CEP170: variants seen among roughly 807,000 people sequenced by gnomAD.
The protein encoded by CEP170 is centrosomal protein 170.
CEP170 carries 21 observed loss-of-function variants against 151.9 expected under a neutral mutation model. The observed-to-expected ratio is 0.14, with a 90% CI of 0.10 to 0.20. The LOEUF is 0.20. Among genes scored for constraint, CEP170 ranks in the 10% least tolerant of loss-of-function variants. CEP170 has a pLI of 1.00. For synonymous variants in CEP170, 356 were observed against 648.8 expected (o/e 0.55, Z 6.86); for missense variants, 964 against 1,892.9 (o/e 0.51, Z 9.11).
intron 7 of CEP170, among the ~76,000 whole-genome samples, chr1:243,196,693 A>G (rs186789282): frequency 6.6e-6 from 1 of 152,200 alleles, no homozygotes; most frequent in African/African-American, 2.4e-5. Context: ...TAATTGGTAA[A>G]TCTTTCCCCC....
intron 14 of CEP170, among the ~76,000 whole-genome samples, chr1:243,149,692 T>C (rs1215218800): frequency 6.6e-6 from 1 of 152,212 alleles, no homozygotes. Context: ...TCACCTCCAA[T>C]TACAACCCAA....
rs1403870707 is a variant in CEP170, at chr1:243,126,461, T to C, written c.4743A>G (p.Thr1581=). 3.1e-6 allele frequency: 5 copies of C among 1,608,154 alleles called. No homozygotes were observed. The highest frequency in any genetic ancestry group is 1.7e-5 in the Admixed American group (1 of 59,264). ...FNPDGEEEDV[T]VQE ...AATCAAGAGAAAGTCATTCTTGTAC[T>C]GTAACATCTTCCTCTTCCCCATCGG... The change falls in exon 20 of 20, where the codon ACA becomes ACG. Residue 1581 remains threonine, a synonymous_variant. Coordinates refer to ENST00000366542, the MANE Select transcript of CEP170 (RefSeq NM_014812.3).
In CEP170 at chr1:243,126,870, T is replaced by C. The variant is rs1235328442; in HGVS notation, c.4466-132A>G. Reference sequence around the variant, plus strand: ...ATGTGGCTAATCTTCCAATATTATATTTAAAACTCCATTCTTAGTTATTCT... The same window carrying C: ...ATGTGGCTAATCTTCCAATATTATACTTAAAACTCCATTCTTAGTTATTCT... On this transcript the variant is annotated intron_variant, in intron 19 of 19. Coordinates refer to ENST00000366542, the MANE Select transcript of CEP170 (RefSeq NM_014812.3). 5.7e-6 allele frequency: 4 copies of C among 707,920 alleles called. No homozygotes were observed. In the East Asian group the frequency reaches 1.1e-4, roughly 19 times the overall value. 43.9% of individuals were successfully genotyped at this position (707,920 alleles called of 1,614,324 possible).
At chr1:243,225,098 T>TCA (rs2063122276) in intron 2 of CEP170, 78 bp downstream of exon 2, 1 of 753,780 alleles carries the variant, frequency 1.3e-6, no homozygotes, top group Non-Finnish European at 2.0e-6. Context: ...TAGCACTGTT[T>TCA]TCTAAAGGAG....
chr1:243,180,286 T>C (rs564628574), intron 10 of CEP170, among the ~76,000 whole-genome samples: 1 of 152,200 alleles, frequency 6.6e-6, no homozygotes, highest in East Asian at 1.9e-4. Context: ...AAACCTATTA[T>C]GTTAGGCGTC....
At chr1:243,223,585 C>T (rs956820934) in intron 2 of CEP170, among the ~76,000 whole-genome samples, 15 of 152,136 alleles carry the variant, frequency 9.9e-5, no homozygotes, top group Admixed American at 3.3e-4. Flanking sequence ...ACTGACGGTA[C>T]ATAAACACCT....
chr1:243,249,747 T>A (rs1271263024), intron 1 of CEP170, among the ~76,000 whole-genome samples: 1 of 152,174 alleles, frequency 6.6e-6, no homozygotes, highest in East Asian at 1.9e-4. Flanking sequence ...TTCATCTAAT[T>A]CCTTTACTGC....
At chr1:243,145,183 ATAT>A (rs1413875197) in intron 14 of CEP170, among the ~76,000 whole-genome samples, 1 of 152,264 alleles carries the variant, frequency 6.6e-6, no homozygotes, top group African/African-American at 2.4e-5. Flanking sequence ...GCAAGATTAT[ATAT>A]TATTACAACT....
At chr1:243,196,658 A>T (rs1270365401) in intron 7 of CEP170, among the ~76,000 whole-genome samples, 1 of 152,106 alleles carries the variant, frequency 6.6e-6, no homozygotes, top group Non-Finnish European at 1.5e-5. Context: ...TGATAATTAT[A>T]TTCAGCTATG....
intron 13 of CEP170, among the ~76,000 whole-genome samples, chr1:243,159,763 T>TGTG (rs2057892319): frequency 7.9e-6 from 1 of 127,074 alleles, no homozygotes; most frequent in African/African-American, 3.0e-5. Flanking sequence ...GTTTCCGGTT[T>TGTG]TGTGTGTGTG....
intron 14 of CEP170, among the ~76,000 whole-genome samples, chr1:243,146,988 C>CCTAACCAGTAA (rs1293577495): frequency 2.6e-5 from 4 of 151,340 alleles, no homozygotes; most frequent in South Asian, 2.1e-4. Flanking sequence ...GTGAATCCCC[C>CCTAACCAGTAA]ATCTAGAGGC....
intron 3 of CEP170, among the ~76,000 whole-genome samples, chr1:243,214,519 T>C (rs1263150767): frequency 1.3e-5 from 2 of 151,352 alleles, no homozygotes; most frequent in Non-Finnish European, 1.5e-5. Flanking sequence ...CTCCTGACCT[T>C]AGGTGATTCA....
At chr1:243,219,657 C>A (rs904494595) in intron 3 of CEP170, among the ~76,000 whole-genome samples, 2 of 152,148 alleles carry the variant, frequency 1.3e-5, no homozygotes, top group Non-Finnish European at 2.9e-5. Context: ...TAAAGACATA[C>A]AGACTACCAC....
intron 3 of CEP170, among the ~76,000 whole-genome samples, chr1:243,216,020 T>C (rs1235784573): frequency 1.3e-5 from 2 of 150,980 alleles, no homozygotes; most frequent in African/African-American, 4.9e-5. Flanking sequence ...TAGATACAGA[T>C]GGTAAATGGT....
intron 15 of CEP170, among the ~76,000 whole-genome samples, chr1:243,141,393 T>C (rs927335583): frequency 1.3e-5 from 2 of 152,252 alleles, no homozygotes; most frequent in African/African-American, 2.4e-5. Context: ...AATAAAACTT[T>C]ATTTATGAAT....
intron 1 of CEP170, among the ~76,000 whole-genome samples, chr1:243,244,293 T>C (rs1323481150): frequency 6.6e-6 from 1 of 151,854 alleles, no homozygotes; most frequent in Non-Finnish European, 1.5e-5. Context: ...TTGAGAATTT[T>C]CATTACAAAA....
At chr1:243,226,473 C>T (rs952734312) in intron 1 of CEP170, among the ~76,000 whole-genome samples, 17 of 151,912 alleles carry the variant, frequency 1.1e-4, no homozygotes, top group African/African-American at 3.4e-4. Context: ...TAATCCATTG[C>T]CATATACTGC....
chr1:243,215,947 G>C (rs141098256), intron 3 of CEP170, among the ~76,000 whole-genome samples: 8 of 151,890 alleles, frequency 5.3e-5, no homozygotes, highest in African/African-American at 1.4e-4. Flanking sequence ...CTGACACTTA[G>C]GGAAATACAA....
chr1:243,211,039 T>C (rs1200418934), intron 4 of CEP170, among the ~76,000 whole-genome samples: 2 of 151,840 alleles, frequency 1.3e-5, no homozygotes, highest in African/African-American at 2.4e-5. Flanking sequence ...TCCATCCAAA[T>C]TGCTATGCTT....
Sources: allele counts gnomAD v4.1 joint callset (sites outside exome capture counted in the v4.1 genomes callset), GRCh38; gene constraint gnomAD v4.1.1; transcripts MANE v1.5; gene names NCBI Gene and HGNC (gene_info 2026-07-23, HGNC 2026-07-21).